ARHGAP10: variants seen among roughly 807,000 people sequenced by gnomAD.
ARHGAP10 encodes the protein rho GTPase-activating protein 10.
A neutral mutation model predicts 108.6 loss-of-function variants in ARHGAP10; 87 were observed. The observed-to-expected ratio is 0.80, with a 90% CI of 0.67 to 0.96. The LOEUF (loss-of-function observed/expected upper bound fraction) is 0.96, where lower values mean the gene tolerates loss of function less well. Ranked by LOEUF, ARHGAP10 falls within the 40% of genes least tolerant of loss-of-function variation. The pLI is 0.00. For synonymous variants in ARHGAP10, 347 were observed against 341.1 expected (o/e 1.02, Z -0.19); for missense variants, 939 against 954.5 (o/e 0.98, Z 0.21).
chr4:147,857,534 G>GTTTTT lies in ARHGAP10; in HGVS notation c.385-13_385-9dup. 6 of 1,160,074 alleles carry GTTTTT rather than the reference G, an allele frequency of 5.2e-6. No homozygotes were observed. The highest frequency in any genetic ancestry group is 3.4e-5 in the Admixed American group (1 of 29,732). 71.9% of individuals were successfully genotyped at this position (1,160,074 alleles called of 1,614,324 possible). On this transcript the variant is annotated intron_variant, in intron 4 of 22. Coordinates refer to ENST00000336498, the MANE Select transcript of ARHGAP10 (RefSeq NM_024605.4). ...ATCCTTTTGTTTCTGTTTAATCATAGTTTTTTTTTTATTTGTAGGAAGAAA... is the reference window on the plus strand; with the variant it reads ...ATCCTTTTGTTTCTGTTTAATCATAGTTTTTTTTTTTTTTTATTTGTAGGAAGAAA...
chr4:148,050,832 A>C (rs1242882711), intron 20 of ARHGAP10, among the ~76,000 whole-genome samples: 1 of 152,120 alleles, frequency 6.6e-6, no homozygotes, highest in East Asian at 1.9e-4. Context: ...TCTGCATACC[A>C]GCTATACAGT....
At chr4:147,982,966 G>A (rs929333253) in intron 18 of ARHGAP10, among the ~76,000 whole-genome samples, 1 of 150,064 alleles carries the variant, frequency 6.7e-6, no homozygotes. Flanking sequence ...TTGCAGCCTC[G>A]ACTTTCTGGG....
chr4:147,912,244 A>G (rs1237325145), intron 12 of ARHGAP10, among the ~76,000 whole-genome samples: 2 of 151,996 alleles, frequency 1.3e-5, no homozygotes, highest in East Asian at 1.9e-4. Context: ...AGTGCTCTAA[A>G]TATATGAAAT....
At chr4:147,837,379 A>G (rs752420740) in intron 3 of ARHGAP10, among the ~76,000 whole-genome samples, 1 of 152,258 alleles carries the variant, frequency 6.6e-6, no homozygotes, top group Non-Finnish European at 1.5e-5. Context: ...TGGATTCTCA[A>G]TTGCAAGCAC....
At chr4:147,972,707 A>T (rs1560853393) in intron 18 of ARHGAP10, among the ~76,000 whole-genome samples, 1 of 151,742 alleles carries the variant, frequency 6.6e-6, no homozygotes, top group Admixed American at 6.6e-5. Flanking sequence ...CAGGCTAGTG[A>T]TGTGAGCTCA....
At chr4:147,870,542 G>A (rs1734773057) in intron 7 of ARHGAP10, among the ~76,000 whole-genome samples, 1 of 142,524 alleles carries the variant, frequency 7.0e-6, no homozygotes, top group Non-Finnish European at 1.5e-5. Context: ...AATACCTATT[G>A]TATTGTAAAA....
At chr4:147,732,548 G>C in intron 1 of ARHGAP10, 93 bp downstream of exon 1, 30 of 1,525,158 alleles carry the variant, frequency 2.0e-5, no homozygotes, top group Non-Finnish European at 2.5e-5. Context: ...TGTGTCCGGG[G>C]CCAGCAGCCA....
At chr4:148,040,392 A>T (rs1268314042) in intron 19 of ARHGAP10, among the ~76,000 whole-genome samples, 1 of 152,054 alleles carries the variant, frequency 6.6e-6, no homozygotes, top group Non-Finnish European at 1.5e-5. Flanking sequence ...CCCAGGCTGG[A>T]GTACAGTCAT....
chr4:147,853,837 A>G (rs572449607), intron 4 of ARHGAP10, among the ~76,000 whole-genome samples: 79 of 151,990 alleles, frequency 5.2e-4, no homozygotes, highest in African/African-American at 1.9e-3. Flanking sequence ...AATACTCTCT[A>G]TGGCTTCATT....
In ARHGAP10 at chr4:148,023,284, A is replaced by G. The variant is rs183257688; in HGVS notation, c.1738A>G (p.Thr580Ala). 5.5e-5 allele frequency: 88 copies of G among 1,614,086 alleles called. No homozygotes were observed. The East Asian group carries it at 1.8e-3, about 33-fold the overall frequency. The change falls in exon 19 of 23, where the codon ACT becomes GCT. Residue 580 changes from threonine (T) to alanine (A), a missense_variant. Physicochemically the swap from Thr to Ala is moderately conservative, Grantham distance 58. Coordinates refer to ENST00000336498, the MANE Select transcript of ARHGAP10 (RefSeq NM_024605.4). Reference protein sequence around the residue: ...HEKIFRTPPDTTFPEPTCLSA... With the variant: ...HEKIFRTPPDATFPEPTCLSA... ...GAAGATTTTTCGGACGCCGCCCGAT[A>G]CTACATTCCCTGAGCCCACCTGCCT...
In ARHGAP10 at chr4:147,850,390, C is replaced by G. The variant is rs182226058; in HGVS notation, c.384+3168C>G. Among the ~76,000 whole-genome samples, 57 of 152,352 alleles carry G rather than the reference C, an allele frequency of 3.7e-4. 1 individual carries two copies. The East Asian group carries it at 8.9e-3, about 24-fold the overall frequency. On this transcript the variant is annotated intron_variant, in intron 4 of 22. Coordinates refer to ENST00000336498, the MANE Select transcript of ARHGAP10 (RefSeq NM_024605.4). The stretch of plus-strand genomic sequence containing the variant: ...TCACTGTTTGCAATAAATCTGGCTG[C>G]TGCTCACTCTTTGGGTCCACACTAC...
intron 3 of ARHGAP10, among the ~76,000 whole-genome samples, chr4:147,826,545 A>G (rs1732714914): frequency 6.6e-6 from 1 of 152,202 alleles, no homozygotes. Flanking sequence ...CACGGAATTA[A>G]CAGGACACCT....
At chr4:147,854,104 C>G (rs2126827586) in intron 4 of ARHGAP10, among the ~76,000 whole-genome samples, 1 of 152,016 alleles carries the variant, frequency 6.6e-6, no homozygotes, top group East Asian at 1.9e-4. Context: ...TTTTTTGACC[C>G]AAAATGCTGT....
intron 16 of ARHGAP10, among the ~76,000 whole-genome samples, chr4:147,962,326 GAAC>G (rs1039875172): frequency 3.9e-5 from 6 of 152,136 alleles, no homozygotes; most frequent in African/African-American, 1.4e-4. Context: ...ATAGTAACAC[GAAC>G]AACAACAGTA....
intron 3 of ARHGAP10, among the ~76,000 whole-genome samples, chr4:147,840,063 A>G (rs1444160925): frequency 6.6e-6 from 1 of 152,104 alleles, no homozygotes; most frequent in African/African-American, 2.4e-5. Context: ...ATAGAGATGG[A>G]TGAGGACCTC....
At chr4:147,806,333 CAA>C (rs1731782723) in intron 1 of ARHGAP10, among the ~76,000 whole-genome samples, 1 of 151,660 alleles carries the variant, frequency 6.6e-6, no homozygotes, top group Admixed American at 6.6e-5. Context: ...TTAGTTTGTC[CAA>C]AAGTGTTTCA....
At chr4:147,754,207 G>C (rs982967689) in intron 1 of ARHGAP10, among the ~76,000 whole-genome samples, 5 of 152,210 alleles carry the variant, frequency 3.3e-5, no homozygotes, top group Non-Finnish European at 7.3e-5. Context: ...CTAAGAAGCA[G>C]ATGCAAGTTG....
Position 148,023,272 on chromosome 4 carries a change from A to G in ARHGAP10, c.1726A>G (p.Thr576Ala), listed in dbSNP as rs1308220041. 2.5e-6 allele frequency: 4 copies of G among 1,613,720 alleles called. No homozygotes were observed. The highest frequency in any genetic ancestry group is 3.4e-6 in the Non-Finnish European group (4 of 1,179,820). ...TATGCTTTGTTGGAAGATTTTTCGG[A>G]CGCCGCCCGATACTACATTCCCTGA... Reference protein sequence around the residue: ...LIENHEKIFRTPPDTTFPEPT... With the variant: ...LIENHEKIFRAPPDTTFPEPT... The change falls in exon 19 of 23, where the codon ACG (threonine) becomes GCG (alanine). Residue 576 changes from threonine to alanine, a missense_variant. Coordinates refer to ENST00000336498, the MANE Select transcript of ARHGAP10 (RefSeq NM_024605.4).
rs186507453 is a variant in ARHGAP10, at chr4:148,040,813, T to C, written c.1868-6079T>C. The stretch of plus-strand genomic sequence containing the variant: ...TGTATTTTTATTTATTAAAAAAGAT[T>C]TGGGGGGGGTTATTTGGTGTATGTG... On this transcript the variant is annotated intron_variant, in intron 19 of 22. Coordinates refer to ENST00000336498, the MANE Select transcript of ARHGAP10 (RefSeq NM_024605.4). Among the ~76,000 whole-genome samples the C allele has an allele frequency of 5.1e-3, 736 of 145,482 alleles. 3 individuals carry two copies. The highest frequency in any genetic ancestry group is 8.7e-3 in the Non-Finnish European group (589 of 67,566).
Sources: gnomAD v4.1 joint callset for allele counts (sites outside exome capture counted in the v4.1 genomes callset) on GRCh38, gnomAD v4.1.1 for gene constraint, MANE v1.5 for transcripts, NCBI Gene and HGNC (gene_info 2026-07-23, HGNC 2026-07-21) for gene names.